The following IL34 variants were observed in gnomAD, a reference collection of about 807,000 sequenced individuals.
IL34 encodes interleukin 34, also known as interleukin-34.
IL34 carries 17 observed loss-of-function variants against 25.3 expected under a neutral mutation model. The observed-to-expected ratio is 0.67, with a 90% CI of 0.46 to 1.01. The LOEUF (loss-of-function observed/expected upper bound fraction) is 1.01. Among genes scored for constraint, IL34 ranks in the 50% least tolerant of loss-of-function variants. The pLI is 0.00. For synonymous variants in IL34, 174 were observed against 140.9 expected (o/e 1.23, Z -1.66); for missense variants, 368 against 312.9 (o/e 1.18, Z -1.33).
chr16:70,589,893 G>C (rs919037019), intron 1 of IL34, among the ~76,000 whole-genome samples: 1 of 152,172 alleles, frequency 6.6e-6, no homozygotes, highest in Admixed American at 6.5e-5. Context: ...AGAGTGTTGG[G>C]ATTACAGGCG....
intron 1 of IL34, among the ~76,000 whole-genome samples, chr16:70,650,164 G>A (rs1477105920): frequency 6.6e-6 from 1 of 152,174 alleles, no homozygotes; most frequent in Non-Finnish European, 1.5e-5. Flanking sequence ...CAAGGTCAGG[G>A]GTGGCACTGG....
Position 70,660,007 on chromosome 16 carries a change from C to A in IL34, c.549C>A (p.Ser183Arg). 6.3e-7 allele frequency: 1 copy of A among 1,586,430 alleles called. No homozygotes were observed. Among genetic ancestry groups the A allele is most frequent in the South Asian group, 1.2e-5 (1 of 85,778 alleles). The change falls in exon 6 of 6, where the codon AGC becomes AGA. Residue 183 changes from serine to arginine, a missense_variant. Coordinates refer to ENST00000288098, the MANE Select transcript of IL34 (RefSeq NM_001393494.1). ...CCCTATCTCTTGCAGGTAAACAAAG[C>A]TCCGTCCTAAACTGGCAGGACTGTG... is the stretch of plus-strand genomic sequence containing the variant. ...ELLYCSCCKQSSVLNWQDCEV... is the reference protein window; with the variant it reads ...ELLYCSCCKQRSVLNWQDCEV...
chr16:70,626,477 A>C (rs961220274), intron 1 of IL34, among the ~76,000 whole-genome samples: 2 of 151,814 alleles, frequency 1.3e-5, no homozygotes, highest in East Asian at 1.9e-4. Context: ...GCTCACTGCA[A>C]CCTCTGCCTC....
chr16:70,600,172 C>T (rs2050894471), intron 1 of IL34, among the ~76,000 whole-genome samples: 1 of 152,144 alleles, frequency 6.6e-6, no homozygotes, highest in South Asian at 2.1e-4. Flanking sequence ...CACATGTCTT[C>T]TCTCGTTCCT....
Position 70,636,885 on chromosome 16 carries a change from T to G in IL34, c.-400-9663T>G, listed in dbSNP as rs11643179. ...CCTATTGCCCCTTCCCTATTTTATT[T>G]TATTTTTTTTTTGAGACGGGGTTTC... On this transcript the variant is annotated intron_variant, in intron 1 of 6. Transcript: ENST00000429149. 8.4e-3 allele frequency among the ~76,000 whole-genome samples: 1,281 copies of G among 152,282 alleles called. 6 individuals carry two copies. The highest frequency in any genetic ancestry group is 0.065 in the Middle Eastern group (19 of 294).
At chr16:70,613,513 G>GT (rs911499062) in intron 1 of IL34, among the ~76,000 whole-genome samples, 31 of 152,236 alleles carry the variant, frequency 2.0e-4, no homozygotes, top group African/African-American at 5.8e-4. Context: ...TGGCTATTCC[G>GT]GAACCTTGGT....
At chr16:70,602,494 C>G (rs950784414) in intron 1 of IL34, among the ~76,000 whole-genome samples, 3 of 151,946 alleles carry the variant, frequency 2.0e-5, no homozygotes, top group African/African-American at 7.3e-5. Flanking sequence ...GATCATGCCA[C>G]TGCACTCAGG....
chr16:70,647,863 G>T (rs142627525), intron 1 of IL34, among the ~76,000 whole-genome samples: 178 of 152,336 alleles, frequency 1.2e-3, no homozygotes, highest in Middle Eastern at 3.4e-3. Flanking sequence ...CCAATGTTCT[G>T]GAAACCCCTA....
chr16:70,658,969 C>G (rs1022836646), intron 4 of IL34, among the ~76,000 whole-genome samples: 1 of 152,158 alleles, frequency 6.6e-6, no homozygotes, highest in Non-Finnish European at 1.5e-5. Flanking sequence ...ACCAAGACAG[C>G]TTTTTGGGGG....
intron 1 of IL34, among the ~76,000 whole-genome samples, chr16:70,632,118 A>AG (rs1189777156): frequency 0.011 from 1,604 of 150,632 alleles, 16 homozygotes; most frequent in Middle Eastern, 0.041. Context: ...AAAAAAAAAA[A>AG]AGAGAAGATA....
intron 1 of IL34, among the ~76,000 whole-genome samples, chr16:70,580,391 C>T (rs188956487): frequency 7.9e-5 from 12 of 152,346 alleles, no homozygotes; most frequent in South Asian, 6.2e-4. Context: ...TGGCATGGGC[C>T]GTGGGGCGCT....
intron 1 of IL34, among the ~76,000 whole-genome samples, chr16:70,634,602 C>T (rs1185009924): frequency 6.6e-6 from 1 of 151,914 alleles, no homozygotes; most frequent in African/African-American, 2.4e-5. Context: ...ATTCCTTGAA[C>T]CCAGGAGGCG....
At chr16:70,645,163 G>T (rs2051896843), upstream of IL34, among the ~76,000 whole-genome samples, 2 of 151,838 alleles carry the variant, frequency 1.3e-5, no homozygotes. Flanking sequence ...AGGAAGAGAA[G>T]GAGGAAGAGG....
At chr16:70,653,974 T>G (rs2052147563) in intron 1 of IL34, 1 of 152,242 alleles carries the variant, frequency 6.6e-6, no homozygotes. Context: ...TGAGATCTGC[T>G]TAACGTCCTA....
chr16:70,626,118 G>C (rs1478028298), intron 1 of IL34, among the ~76,000 whole-genome samples: 1 of 152,186 alleles, frequency 6.6e-6, no homozygotes, highest in African/African-American at 2.4e-5. Context: ...AAGAGAGTCA[G>C]CCTGTTTTGC....
In IL34 at chr16:70,589,692, A is replaced by AGTTCACCGCAACTTCAGCCTCCTGG. The variant is rs1224972833; in HGVS notation, c.-401+9649_-401+9673dup. On this transcript the variant is annotated intron_variant, in intron 1 of 6. Transcript: ENST00000429149. ...GGGTGGAGTCCAGTGGTATGACCTCAGTTCACCGCAACTTCAGCCTCCTGG... is the reference window on the plus strand; with the variant it reads ...GGGTGGAGTCCAGTGGTATGACCTCAGTTCACCGCAACTTCAGCCTCCTGGGTTCACCGCAACTTCAGCCTCCTGG... 4.1e-4 allele frequency among the ~76,000 whole-genome samples: 61 copies of AGTTCACCGCAACTTCAGCCTCCTGG among 149,130 alleles called. 1 individual carries two copies. Among genetic ancestry groups the AGTTCACCGCAACTTCAGCCTCCTGG allele is most frequent in the Middle Eastern group, 3.5e-3 (1 of 282 alleles).
At chr16:70,625,294 A>G (rs1463131012) in intron 1 of IL34, among the ~76,000 whole-genome samples, 1 of 151,422 alleles carries the variant, frequency 6.6e-6, no homozygotes, top group Non-Finnish European at 1.5e-5. Flanking sequence ...ATATGGAGGG[A>G]AGGGGTTCGG....
chr16:70,645,805 G>A (rs1333175065), upstream of IL34, among the ~76,000 whole-genome samples: 1 of 152,182 alleles, frequency 6.6e-6, no homozygotes, highest in Non-Finnish European at 1.5e-5. Context: ...TGTAATCCCA[G>A]CACTTTGGGA....
intron 1 of IL34, among the ~76,000 whole-genome samples, chr16:70,616,129 G>A (rs1034325640): frequency 2.6e-5 from 4 of 152,174 alleles, no homozygotes; most frequent in East Asian, 1.9e-4. Context: ...TATACCATCT[G>A]CTATCACAGA....
Sources: gnomAD v4.1 joint callset for allele counts (sites outside exome capture counted in the v4.1 genomes callset) on GRCh38, gnomAD v4.1.1 for gene constraint, MANE v1.5 for transcripts, NCBI Gene and HGNC (gene_info 2026-07-23, HGNC 2026-07-21) for gene names.